The following KLK8 variants were observed in gnomAD, a reference collection of about 807,000 sequenced individuals.
The protein encoded by KLK8 is kallikrein related peptidase 8, also known as kallikrein-8.
In KLK8, 18 loss-of-function variants were observed where a neutral mutation model predicts 26.7. That is an observed-to-expected ratio of 0.67 (90% CI 0.47 to 1.00). The LOEUF (loss-of-function observed/expected upper bound fraction) is 1.00. Ranked by LOEUF, KLK8 falls within the 50% of genes least tolerant of loss-of-function variation. The pLI is 0.00. For synonymous variants in KLK8, 137 were observed against 127.1 expected (o/e 1.08, Z -0.52); for missense variants, 301 against 331.7 (o/e 0.91, Z 0.72).
At chr19:50,997,817 A>G in exon 6 of KLK8, 1 of 1,614,158 alleles carries the variant, frequency 6.2e-7, no homozygotes, top group Non-Finnish European at 8.5e-7. Context: ...GCCCCGGGTA[A>G]GCATCCTCAC....
chr19:51,000,692 TAGTG>T, intron 3 of KLK8, 109 bp from the exon 3 acceptor site: 2 of 1,554,938 alleles, frequency 1.3e-6, no homozygotes, highest in South Asian at 2.4e-5. Context: ...GCATACAACT[TAGTG>T]AGGAGGTCCA....
At chr19:50,998,321 A>G (rs1259912017) in intron 5 of KLK8, among the ~76,000 whole-genome samples, 2 of 151,980 alleles carry the variant, frequency 1.3e-5, no homozygotes, top group African/African-American at 4.8e-5. Flanking sequence ...CCATCCCTCC[A>G]TTACTCCCTA....
chr19:50,999,621 A>AAAAAAAAAC (rs2091201807), intron 5 of KLK8, among the ~76,000 whole-genome samples: 1 of 141,212 alleles, frequency 7.1e-6, no homozygotes, highest in Non-Finnish European at 1.5e-5. Flanking sequence ...AAAAAAAAAA[A>AAAAAAAAAC]AAAGGAGGGA....
chr19:51,000,595 G>A lies in KLK8; in HGVS notation c.71-12C>T. ...TGCCCTGGAGTGTCCTGCAGCAGGA[G>A]GGAGAGGGTTGGATCGCCACCCTCT... On this transcript the variant is annotated splice_polypyrimidine_tract_variant and intron_variant, in intron 3 of 6. Coordinates refer to ENST00000600767, the Ensembl canonical transcript of KLK8. 6.2e-7 allele frequency: 1 copy of A among 1,613,606 alleles called. No homozygotes were observed. Among genetic ancestry groups the A allele is most frequent in the Non-Finnish European group, 8.5e-7 (1 of 1,179,624 alleles).
At position 50,997,714 on chromosome 19, in the gene KLK8, G is replaced by A. The variant is rs1156689963; in HGVS notation, c.627+37C>T. On this transcript the variant is annotated intron_variant, in intron 6 of 6. Transcript: ENST00000600767. ...GCCTTGAACCTCGAGAGGGCAATGA[G>A]GGATGTGTGAGGAGAAGGATTTCAG... 3 of 1,611,534 alleles carry A rather than the reference G, an allele frequency of 1.9e-6. No homozygotes were observed. In the African/African-American group the frequency reaches 4.0e-5, roughly 22 times the overall value.
chr19:51,000,187 A>G, exon 5 of KLK8: 3 of 1,609,958 alleles, frequency 1.9e-6, no homozygotes, highest in Non-Finnish European at 2.6e-6. Context: ...GATGGACTGA[A>G]CCACAGGTAT....
chr19:51,001,157 G>C (rs753292786), exon 3 of KLK8: 2 of 1,613,294 alleles, frequency 1.2e-6, no homozygotes, highest in East Asian at 2.2e-5. Flanking sequence ...ACGAGGTCGG[G>C]GGCGTCCCAT....
At chr19:50,999,944 A>G in intron 5 of KLK8, 52 bp downstream of exon 4, 1 of 1,535,244 alleles carries the variant, frequency 6.5e-7, no homozygotes, top group Non-Finnish European at 8.8e-7. Flanking sequence ...CTTGGGTTCC[A>G]CTGGGCCAAC....
Position 50,997,899 on chromosome 19 carries a change from G to GTT in KLK8, c.494-17_494-16dup. ...AGGAAAATTCTCTGAGGGGGAAGAG[G>GTT]TTGTAAGGTTCCCTGAGAGAGCAGC... On this transcript the variant is annotated splice_polypyrimidine_tract_variant and intron_variant, in intron 5 of 6. Coordinates refer to ENST00000600767, the Ensembl canonical transcript of KLK8. 1 of 1,613,722 alleles carries GTT rather than the reference G, an allele frequency of 6.2e-7. No individual in the cohort carries two copies. Among genetic ancestry groups the GTT allele is most frequent in the Non-Finnish European group, 8.5e-7 (1 of 1,179,976 alleles).
intron 5 of KLK8, among the ~76,000 whole-genome samples, 190 bp downstream of exon 4, chr19:50,999,806 T>C (rs969761161): frequency 2.6e-5 from 4 of 151,970 alleles, no homozygotes; most frequent in Admixed American, 6.6e-5. Flanking sequence ...TAGTTGGTTC[T>C]TTCTCTCACC....
At chr19:50,997,776 C>T (rs2091184070) in exon 6 of KLK8, 2 of 1,614,118 alleles carry the variant, frequency 1.2e-6, no homozygotes, top group Non-Finnish European at 1.7e-6. Context: ...CCCTTTGCTG[C>T]TGCCTGCACA....
intron 5 of KLK8, among the ~76,000 whole-genome samples, chr19:50,998,635 G>A (rs1300497383): frequency 6.6e-5 from 10 of 152,134 alleles, no homozygotes; most frequent in Non-Finnish European, 8.8e-5. Context: ...GCATCTCTAC[G>A]TGCCAAAAGC....
chr19:50,996,234 A>T lies in KLK8; in HGVS notation c.628-20T>A. The T allele has an allele frequency of 6.2e-7, 1 of 1,611,934 alleles. No individual in the cohort carries two copies. Among genetic ancestry groups the T allele is most frequent in the Middle Eastern group, 1.7e-4 (1 of 5,982 alleles). On this transcript the variant is annotated intron_variant, in intron 6 of 6. Coordinates refer to ENST00000600767, the Ensembl canonical transcript of KLK8. ...ATCGCCCTAGACAGGGAGAATGAGA[A>T]CAGCCTTGCATCTGAGATGTCCACA...
At chr19:50,997,939 C>T in intron 5 of KLK8, 55 bp from the exon 5 acceptor site, 2 of 1,605,684 alleles carry the variant, frequency 1.2e-6, no homozygotes, top group Non-Finnish European at 1.7e-6. Flanking sequence ...TGCCTCCATC[C>T]CTGTCTGGAT....
At chr19:50,996,133 C>T (rs144236055) in exon 7 of KLK8, 22 of 1,614,082 alleles carry the variant, frequency 1.4e-5, no homozygotes, top group East Asian at 2.2e-5. Context: ...CCAGGTTTGT[C>T]GGACCTCCCA....
chr19:50,996,180 G>A, exon 7 of KLK8: 7 of 1,614,180 alleles, frequency 4.3e-6, no homozygotes, highest in Non-Finnish European at 5.9e-6. Flanking sequence ...GCCCTGGAGT[G>A]CACCATCACA....
intron 3 of KLK8, 72 bp downstream of exon 2, chr19:51,001,026 T>C: frequency 2.2e-6 from 3 of 1,391,986 alleles, no homozygotes; most frequent in Non-Finnish European, 2.0e-6. Context: ...CCCGCGGCAT[T>C]CCCACAGACT....
intron 6 of KLK8, 149 bp downstream of exon 5, chr19:50,997,602 C>G (rs928615784): frequency 3.4e-6 from 3 of 880,078 alleles, no homozygotes; most frequent in Non-Finnish European, 5.3e-6. Flanking sequence ...TTCTCTGAAC[C>G]TGGCTCCCAA....
chr19:51,000,135 G>A (rs760946207), exon 5 of KLK8: 2 of 1,614,068 alleles, frequency 1.2e-6, no homozygotes, highest in East Asian at 4.5e-5. Context: ...TCAGATCATG[G>A]TTGTGGTCCT....
Sources: allele counts gnomAD v4.1 joint callset (sites outside exome capture counted in the v4.1 genomes callset), GRCh38; gene constraint gnomAD v4.1.1; transcripts MANE v1.5; gene names NCBI Gene and HGNC (gene_info 2026-07-23, HGNC 2026-07-21).